WDFY4: variants seen among roughly 807,000 people sequenced by gnomAD.
The protein encoded by WDFY4 is WDFY family member 4.
In WDFY4, 169 loss-of-function variants were observed where a neutral mutation model predicts 351.9. That is an observed-to-expected ratio of 0.48 (90% CI 0.42 to 0.55). The LOEUF is 0.55. Among genes scored for constraint, WDFY4 ranks in the 20% least tolerant of loss-of-function variants. WDFY4 has a pLI of 0.00. For synonymous variants in WDFY4, 1,622 were observed against 1,574.6 expected (o/e 1.03, Z -0.71); for missense variants, 3,803 against 3,935.6 (o/e 0.97, Z 0.90).
At chr10:48,920,366 T>C (rs867869694) in intron 47 of WDFY4, among the ~76,000 whole-genome samples, 9 of 65,818 alleles carry the variant, frequency 1.4e-4, no homozygotes, top group Middle Eastern at 7.6e-3. Flanking sequence ...GGGCCTGTTG[T>C]GGGGTGGGGG....
intron 60 of WDFY4, among the ~76,000 whole-genome samples, chr10:48,980,650 G>A (rs941521074): frequency 6.6e-6 from 1 of 152,112 alleles, no homozygotes; most frequent in Non-Finnish European, 1.5e-5. Flanking sequence ...CTTTGAGGTG[G>A]TTTCTCCCAC....
intron 1 of WDFY4, among the ~76,000 whole-genome samples, chr10:48,709,413 C>CA (rs1182833509): frequency 7.5e-3 from 3 of 398 alleles, no homozygotes; most frequent in African/African-American, 7.9e-3. Flanking sequence ...GACTCCGTCT[C>CA]AAAAAAAAAA....
intron 13 of WDFY4, among the ~76,000 whole-genome samples, chr10:48,762,111 G>A (rs754160018): frequency 3.9e-5 from 6 of 152,194 alleles, no homozygotes; most frequent in African/African-American, 9.7e-5. Context: ...GAGTTCAGAC[G>A]GAGGCAACAT....
At position 48,743,084 on chromosome 10, in the gene WDFY4, G is replaced by T; in HGVS notation, c.1995G>T (p.Pro665=). Residue 665 remains proline, a synonymous_variant, in exon 12 of 62, where the codon CCG becomes CCT. Coordinates refer to ENST00000325239, the MANE Select transcript of WDFY4 (RefSeq NM_001394531.1). ...TGGAAGGCTCCCTCCAGGAGCCCCC[G>T]CTGCAGGCATGGGGAGCAGTATCCC... ...SDLEGSLQEP[P]LQAWGAVSPR... 6.4e-7 allele frequency: 1 copy of T among 1,551,654 alleles called. No homozygotes were observed. The highest frequency in any genetic ancestry group is 8.7e-7 in the Non-Finnish European group (1 of 1,146,998).
At position 48,810,705 on chromosome 10, in the gene WDFY4, C is replaced by T. The variant is rs550393932; in HGVS notation, c.5014C>T (p.Arg1672Cys). 17 of 1,547,510 alleles carry T rather than the reference C, an allele frequency of 1.1e-5. No individual in the cohort carries two copies. The highest frequency in any genetic ancestry group is 1.1e-4 in the South Asian group (9 of 83,582). ...CCTGTGTGCAGGATCCTGGGTGGAA[C>T]GCAGCACTGAGGGCGTGGATATTGT... ...DGLCAGSWVE[R>C]STEGVDIVMD... Residue 1672 changes from arginine (R) to cysteine (C), a missense_variant, in exon 29 of 62, where the codon CGC becomes TGC. Physicochemically the swap from Arg to Cys is radical, Grantham distance 180. Transcript: ENST00000325239.
intron 45 of WDFY4, among the ~76,000 whole-genome samples, chr10:48,897,810 TGC>T: frequency 6.6e-6 from 1 of 152,272 alleles, no homozygotes; most frequent in Non-Finnish European, 1.5e-5. Flanking sequence ...TTGGGCCTTT[TGC>T]TGTGTCTTTT....
chr10:48,806,365 G>C (rs957925493), intron 27 of WDFY4, among the ~76,000 whole-genome samples: 3 of 152,176 alleles, frequency 2.0e-5, no homozygotes, highest in African/African-American at 7.2e-5. Flanking sequence ...TGTGGGATCC[G>C]GGATCCTGCC....
chr10:48,787,939 CTTCTT>C (rs1565199039), intron 20 of WDFY4, among the ~76,000 whole-genome samples: 36 of 102,192 alleles, frequency 3.5e-4, no homozygotes, highest in East Asian at 1.1e-3. Context: ...TCTTCTTCTT[CTTCTT>C]CTTCTTCTTC....
chr10:48,821,331 C>T (rs369034935), intron 34 of WDFY4, among the ~76,000 whole-genome samples, 155 bp downstream of exon 34: 46 of 152,230 alleles, frequency 3.0e-4, no homozygotes, highest in African/African-American at 1.1e-3. Context: ...AACTCCCTGG[C>T]TCCTGCCTTG....
chr10:48,930,992 T>C (rs917034187), intron 47 of WDFY4, among the ~76,000 whole-genome samples: 19 of 152,072 alleles, frequency 1.2e-4, no homozygotes, highest in Admixed American at 7.2e-4. Flanking sequence ...TTACTTTCCT[T>C]CTTATATGTC....
intron 51 of WDFY4, among the ~76,000 whole-genome samples, chr10:48,956,386 C>G (rs574412887): frequency 6.6e-6 from 1 of 152,162 alleles, no homozygotes; most frequent in Non-Finnish European, 1.5e-5. Flanking sequence ...TCTCTCTTAT[C>G]GAAGCCAAGA....
intron 29 of WDFY4, 145 bp downstream of exon 29, chr10:48,810,880 C>A (rs560745580): frequency 1.5e-5 from 12 of 820,140 alleles, no homozygotes; most frequent in Non-Finnish European, 2.0e-5. Flanking sequence ...GGCCTACATC[C>A]AAATGAGCCC....
chr10:48,890,480 A>T, intron 43 of WDFY4, 99 bp from the exon 44 acceptor site: 1 of 1,431,866 alleles, frequency 7.0e-7, no homozygotes, highest in Non-Finnish European at 9.5e-7. Flanking sequence ...CTCACCTCCA[A>T]TTGCCCCATG....
chr10:48,973,002 C>T (rs1842402119), intron 57 of WDFY4, among the ~76,000 whole-genome samples: 2 of 152,170 alleles, frequency 1.3e-5, no homozygotes, highest in Admixed American at 1.3e-4. Context: ...ATGGTAGGTG[C>T]TGGATGCCTT....
rs755366504 is a variant in WDFY4 at position 48,823,292 on chromosome 10, G to T, written c.5982+755G>T. ...CCTAAAATTCAAGTTGTCCCACCCA[G>T]GGGGATGTCTGTGATTCTTGGAAAG... is the stretch of plus-strand genomic sequence containing the variant. On this transcript the variant is annotated intron_variant, in intron 35 of 61. Transcript: ENST00000325239. The T allele has an allele frequency of 2.3e-5, 30 of 1,289,522 alleles. No homozygotes were observed. In the African/African-American group the frequency reaches 2.6e-4, roughly 11 times the overall value. 79.9% of individuals were successfully genotyped at this position (1,289,522 alleles called of 1,614,324 possible). A position where few individuals can be genotyped will look rare whatever the true frequency, so the allele number is the denominator to read the frequency against.
Position 48,960,010 on chromosome 10 carries a change from A to G in WDFY4, c.8223+197A>G, listed in dbSNP as rs570000871. Among the ~76,000 whole-genome samples the G allele has an allele frequency of 3.3e-5, 5 of 152,356 alleles. No individual in the cohort carries two copies. In the South Asian group the frequency reaches 8.3e-4, roughly 25 times the overall value. ...AGCTCTGGGCTGTTTCAAGAGCTCC[A>G]GTAGACCCTGCCTGGGTGCCAGCTT... On this transcript the variant is annotated intron_variant, in intron 53 of 61. Coordinates refer to ENST00000325239, the MANE Select transcript of WDFY4 (RefSeq NM_001394531.1).
At chr10:48,897,386 G>C in intron 44 of WDFY4, 68 bp from the exon 45 acceptor site, 4 of 1,522,046 alleles carry the variant, frequency 2.6e-6, no homozygotes, top group Non-Finnish European at 3.5e-6. Flanking sequence ...GCAGGAAGAA[G>C]AAGAAGCCTG....
At chr10:48,717,203 AC>A (rs2063937808) in intron 2 of WDFY4, among the ~76,000 whole-genome samples, 1 of 152,184 alleles carries the variant, frequency 6.6e-6, no homozygotes, top group South Asian at 2.1e-4. Context: ...GAGGCCCAAA[AC>A]ATTTAGTCAT....
At chr10:48,714,954 A>G (rs2063861051) in intron 2 of WDFY4, among the ~76,000 whole-genome samples, 1 of 152,238 alleles carries the variant, frequency 6.6e-6, no homozygotes, top group South Asian at 2.1e-4. Context: ...GGCTAATGGG[A>G]CAAGGCAGAA....
Sources: gnomAD v4.1 joint callset for allele counts (sites outside exome capture counted in the v4.1 genomes callset) on GRCh38, gnomAD v4.1.1 for gene constraint, MANE v1.5 for transcripts, NCBI Gene and HGNC (gene_info 2026-07-23, HGNC 2026-07-21) for gene names.